PSD3: variants seen among roughly 807,000 people sequenced by gnomAD.
The protein encoded by PSD3 is PH and SEC7 domain-containing protein 3.
A neutral mutation model predicts 105.5 loss-of-function variants in PSD3; 49 were observed. That is an observed-to-expected ratio of 0.46 (90% CI 0.37 to 0.59). PSD3 has a LOEUF of 0.59. PSD3 is among the 20% of genes least tolerant of loss of function. The pLI is 0.00. For missense variants in PSD3, 1,561 were observed against 1,263.8 expected (o/e 1.24, Z -3.57); for synonymous variants, 557 against 457.8 (o/e 1.22, Z -2.77).
intron 8 of PSD3, among the ~76,000 whole-genome samples, chr8:18,798,773 T>G (rs1416602077): frequency 1.3e-5 from 2 of 152,146 alleles, no homozygotes; most frequent in Non-Finnish European, 2.9e-5. Flanking sequence ...TGCAAATTTA[T>G]ATATAATTAT....
intron 1 of PSD3, among the ~76,000 whole-genome samples, chr8:18,949,596 A>G (rs1383920233): frequency 6.6e-6 from 1 of 152,148 alleles, no homozygotes; most frequent in Non-Finnish European, 1.5e-5. Context: ...AGAAAATCTG[A>G]AGTCAGGTCA....
chr8:18,916,674 C>T (rs1820629631), intron 2 of PSD3, among the ~76,000 whole-genome samples: 1 of 151,572 alleles, frequency 6.6e-6, no homozygotes, highest in Non-Finnish European at 1.5e-5. Context: ...CAGCATGGTG[C>T]CTATAATCAA....
intron 8 of PSD3, among the ~76,000 whole-genome samples, chr8:18,779,484 T>C (rs1409010576): frequency 6.6e-6 from 1 of 152,140 alleles, no homozygotes; most frequent in Non-Finnish European, 1.5e-5. Flanking sequence ...CTGCTGTTAA[T>C]TTTGTATCTG....
intron 2 of PSD3, among the ~76,000 whole-genome samples, chr8:18,898,303 T>C (rs1283050233): frequency 6.6e-6 from 1 of 152,220 alleles, no homozygotes; most frequent in Non-Finnish European, 1.5e-5. Context: ...CATATACGTT[T>C]ATAAGTGTTA....
intron 1 of PSD3, among the ~76,000 whole-genome samples, chr8:18,990,796 T>C (rs1017515707): frequency 6.6e-6 from 1 of 152,346 alleles, no homozygotes; most frequent in Non-Finnish European, 1.5e-5. Flanking sequence ...TTCCATGATC[T>C]GTAATTCCCC....
intron 8 of PSD3, chr8:18,774,800 C>T (rs549879829): frequency 1.4e-4 from 61 of 438,788 alleles, no homozygotes; most frequent in Non-Finnish European, 2.0e-4. Context: ...ACTGGAATGT[C>T]GGGCACCTGT....
intron 9 of PSD3, among the ~76,000 whole-genome samples, chr8:18,717,152 T>C (rs1325025357): frequency 1.3e-5 from 2 of 152,150 alleles, no homozygotes; most frequent in Non-Finnish European, 2.9e-5. Context: ...GTCTCCAATA[T>C]GCAACCTAAA....
chr8:19,044,761 C>G (rs1828253186), intron 1 of PSD3, among the ~76,000 whole-genome samples: 1 of 152,030 alleles, frequency 6.6e-6, no homozygotes, highest in South Asian at 2.1e-4. Flanking sequence ...CTCAGTGGTA[C>G]CATAAAGCCT....
At chr8:18,542,169 A>G (rs141960082) in intron 15 of PSD3, among the ~76,000 whole-genome samples, 415 of 152,310 alleles carry the variant, frequency 2.7e-3, no homozygotes, top group Non-Finnish European at 4.5e-3. Context: ...CCTCATTTGG[A>G]TAATTACTAG....
At chr8:18,946,642 G>A (rs558034041) in intron 1 of PSD3, among the ~76,000 whole-genome samples, 7 of 151,856 alleles carry the variant, frequency 4.6e-5, no homozygotes, top group African/African-American at 1.7e-4. Context: ...GCTCACGCCT[G>A]TAATCCTAGC....
rs146521286 is a variant in PSD3, at chr8:18,948,616, T to C, written c.22-12474A>G. Among the ~76,000 whole-genome samples, 5 of 152,230 alleles carry C rather than the reference T, an allele frequency of 3.3e-5. No homozygotes were observed. The East Asian group carries it at 7.7e-4, about 24-fold the overall frequency. Reference sequence around the variant, plus strand: ...ATATTTTTCCTGAATCCTTATAAACTAGGAAACCTCAAAAAAGCCTTGAAA... The same window carrying C: ...ATATTTTTCCTGAATCCTTATAAACCAGGAAACCTCAAAAAAGCCTTGAAA... On this transcript the variant is annotated intron_variant, in intron 1 of 15. Transcript: ENST00000327040.
At chr8:18,646,424 G>C (rs1328085631) in intron 10 of PSD3, among the ~76,000 whole-genome samples, 1 of 151,968 alleles carries the variant, frequency 6.6e-6, no homozygotes, top group African/African-American at 2.4e-5. Context: ...TTGCCTTTTT[G>C]AAAGAAAACC....
intron 8 of PSD3, among the ~76,000 whole-genome samples, chr8:18,781,935 A>T (rs1808676552): frequency 6.6e-6 from 1 of 152,002 alleles, no homozygotes; most frequent in Non-Finnish European, 1.5e-5. Context: ...ACCTGTCTTC[A>T]AGTTTACAAA....
At chr8:18,733,488 A>G (rs1189806690) in intron 9 of PSD3, 1 of 152,702 alleles carries the variant, frequency 6.5e-6, no homozygotes, top group Non-Finnish European at 1.5e-5. Context: ...AAATGGTGGT[A>G]TTACTCATGC....
intron 8 of PSD3, among the ~76,000 whole-genome samples, chr8:18,792,498 T>G (rs527375076): frequency 6.6e-6 from 1 of 152,284 alleles, no homozygotes; most frequent in African/African-American, 2.4e-5. Context: ...CACTTGTAAG[T>G]GGGAGCTGAA....
chr8:18,858,998 C>T (rs574697288), intron 4 of PSD3, among the ~76,000 whole-genome samples: 270 of 152,252 alleles, frequency 1.8e-3, no homozygotes, highest in Non-Finnish European at 2.7e-3. Context: ...ACTGACTTTG[C>T]CCAGATCCAT....
intron 8 of PSD3, 46 bp downstream of exon 8, chr8:18,799,249 T>C (rs760720996): frequency 1.3e-6 from 2 of 1,498,726 alleles, no homozygotes. Flanking sequence ...AAAGCAGAGA[T>C]AAGCCCGACA....
chr8:18,846,480 G>C (rs75751995), intron 4 of PSD3, among the ~76,000 whole-genome samples: 8 of 152,090 alleles, frequency 5.3e-5, no homozygotes, highest in Non-Finnish European at 1.0e-4. Flanking sequence ...ACAGGGGTTC[G>C]AAGGTTCTAC....
intron 9 of PSD3, among the ~76,000 whole-genome samples, chr8:18,739,333 A>C (rs192213807): frequency 7.4e-4 from 112 of 152,296 alleles, no homozygotes; most frequent in Non-Finnish European, 1.2e-3. Context: ...TCCCATACTT[A>C]ATTATTAGTT....
Sources: gnomAD v4.1 joint callset for allele counts (sites outside exome capture counted in the v4.1 genomes callset) on GRCh38, gnomAD v4.1.1 for gene constraint, MANE v1.5 for transcripts, NCBI Gene and HGNC (gene_info 2026-07-23, HGNC 2026-07-21) for gene names.